SKIC8: variants seen among roughly 807,000 people sequenced by gnomAD.
The protein encoded by SKIC8 is superkiller complex protein 8.
the SKIC8 span, chr15:78,294,979 A>G: frequency 6.2e-7 from 1 of 1,614,168 alleles, no homozygotes; most frequent in Non-Finnish European, 8.5e-7. Context: ...CCGTACTAAA[A>G]AAGAACAGAA....
the SKIC8 span, among the ~76,000 whole-genome samples, chr15:78,287,959 C>T: frequency 6.6e-6 from 1 of 152,144 alleles, no homozygotes; most frequent in Non-Finnish European, 1.5e-5. Flanking sequence ...CAGGGGCCAG[C>T]TACAGCCCAT....
the SKIC8 span, chr15:78,285,360 T>C: frequency 3.1e-6 from 5 of 1,611,942 alleles, no homozygotes; most frequent in South Asian, 1.1e-5. Context: ...AAGTGAACAT[T>C]AGTATCGGTT....
At chr15:78,285,631 A>G in the SKIC8 span, 6 of 523,536 alleles carry the variant, frequency 1.1e-5, no homozygotes, top group Non-Finnish European at 2.1e-5. Flanking sequence ...CAAGGCTCGC[A>G]GGAGGCCTCT....
chr15:78,285,410 T>G, the SKIC8 span: 1 of 1,389,530 alleles, frequency 7.2e-7, no homozygotes, highest in South Asian at 1.2e-5. Context: ...CTTTGATGAC[T>G]TACATTCTTC....
the SKIC8 span, chr15:78,295,238 T>C: frequency 1.8e-6 from 1 of 561,142 alleles, no homozygotes; most frequent in East Asian, 3.0e-5. Flanking sequence ...CAATAAATTA[T>C]GTTTTCTTTT....
At chr15:78,296,513 C>T in the SKIC8 span, among the ~76,000 whole-genome samples, 5 of 151,754 alleles carry the variant, frequency 3.3e-5, no homozygotes, top group Admixed American at 1.3e-4. Flanking sequence ...CCCCCTTTGG[C>T]GGACTTTTTT....
At chr15:78,294,232 T>A in the SKIC8 span, among the ~76,000 whole-genome samples, 2 of 152,236 alleles carry the variant, frequency 1.3e-5, no homozygotes, top group African/African-American at 4.8e-5. Flanking sequence ...GCTTTTGGCT[T>A]AAACGTCAAA....
chr15:78,292,923 C>T, the SKIC8 span: 12 of 1,118,518 alleles, frequency 1.1e-5, 1 homozygote, highest in South Asian at 2.0e-4. Flanking sequence ...TAATGAGCTA[C>T]AGAACACCAA....
At chr15:78,288,486 ATGCTCAGG>A in the SKIC8 span, 2 of 1,128,640 alleles carry the variant, frequency 1.8e-6, no homozygotes, top group East Asian at 5.0e-5. Flanking sequence ...CTGAGTTGAA[ATGCTCAGG>A]TGCTTCAGGC....
chr15:78,290,205 G>GC, the SKIC8 span: 1 of 1,207,766 alleles, frequency 8.3e-7, no homozygotes, highest in South Asian at 1.7e-5. Context: ...CGGAGTAGCA[G>GC]TGTCCTGATT....
At chr15:78,293,208 C>G in the SKIC8 span, 1 of 1,614,074 alleles carries the variant, frequency 6.2e-7, no homozygotes, top group South Asian at 1.1e-5. Context: ...AGCCTGTGAC[C>G]ACTGTCTCAG....
the SKIC8 span, chr15:78,299,608 G>A: frequency 6.6e-6 from 1 of 152,388 alleles, no homozygotes; most frequent in Admixed American, 6.5e-5. Context: ...CCGCGCGACT[G>A]CGACGCGCAA....
the SKIC8 span, chr15:78,295,737 A>C: frequency 9.2e-6 from 14 of 1,514,904 alleles, no homozygotes; most frequent in African/African-American, 7.0e-5. Flanking sequence ...TGTGGAAACA[A>C]CACCAGGATT....
At chr15:78,299,173 C>T in the SKIC8 span, among the ~76,000 whole-genome samples, 4 of 152,198 alleles carry the variant, frequency 2.6e-5, no homozygotes, top group Admixed American at 6.5e-5. Flanking sequence ...CTGTACCCGT[C>T]CAGTGATGTC....
chr15:78,291,964 TAGTC>T, the SKIC8 span: 1 of 152,422 alleles, frequency 6.6e-6, no homozygotes, highest in African/African-American at 2.4e-5. Context: ...TGCTCCACAT[TAGTC>T]AGCCTATGAC....
chr15:78,287,052 A>T, the SKIC8 span, among the ~76,000 whole-genome samples: 245 of 152,214 alleles, frequency 1.6e-3, 1 homozygote, highest in African/African-American at 5.7e-3. Context: ...ATGCATCAAT[A>T]TTGGGTGAAA....
the SKIC8 span, chr15:78,286,278 CCT>C: frequency 7.6e-6 from 5 of 658,100 alleles, no homozygotes; most frequent in Non-Finnish European, 1.3e-5. Flanking sequence ...ATCAAAAATT[CCT>C]CTTTCAATGA....
At chr15:78,295,752 T>C in the SKIC8 span, 32 of 1,505,738 alleles carry the variant, frequency 2.1e-5, no homozygotes, top group Admixed American at 2.1e-4. Flanking sequence ...AGGATTTCAG[T>C]GAGGGGGTGT....
At chr15:78,292,159 G>GA in the SKIC8 span, 1 of 170,334 alleles carries the variant, frequency 5.9e-6, no homozygotes, top group African/African-American at 2.4e-5. Context: ...GATCTATAAG[G>GA]ACCCCATGCT....
Sources: allele counts gnomAD v4.1 joint callset (sites outside exome capture counted in the v4.1 genomes callset), GRCh38; gene constraint gnomAD v4.1.1; transcripts MANE v1.5; gene names NCBI Gene and HGNC (gene_info 2026-07-23, HGNC 2026-07-21).